The following HRH2 variants were observed in gnomAD, a reference collection of about 807,000 sequenced individuals.
HRH2 encodes the protein histamine receptor H2.
A neutral mutation model predicts 20.1 loss-of-function variants in HRH2; 4 were observed. The observed-to-expected ratio is 0.20, with a 90% CI of 0.10 to 0.45. The LOEUF is 0.45. Among genes scored for constraint, HRH2 ranks in the 20% least tolerant of loss-of-function variants. The pLI is 0.99. For synonymous variants in HRH2, 197 were observed against 200.7 expected, an observed-to-expected ratio of 0.98 and a Z score of 0.16; for missense variants, 250 against 461.6, an observed-to-expected ratio of 0.54 and a Z score of 4.20.
intron 1 of HRH2, among the ~76,000 whole-genome samples, chr5:175,676,666 G>A (rs552554074): frequency 7.1e-4 from 108 of 152,288 alleles, no homozygotes; most frequent in African/African-American, 2.5e-3. Flanking sequence ...AGTGGTCAAG[G>A]CTTATCATAT....
chr5:175,706,293 C>T (rs1021746814), intron 2 of HRH2, among the ~76,000 whole-genome samples: 11 of 152,208 alleles, frequency 7.2e-5, no homozygotes, highest in African/African-American at 2.6e-4. Flanking sequence ...TAATGCATTT[C>T]ATTTAAAAAT....
chr5:175,674,857 G>T (rs377738119), intron 1 of HRH2, among the ~76,000 whole-genome samples: 1 of 152,204 alleles, frequency 6.6e-6, no homozygotes, highest in African/African-American at 2.4e-5. Context: ...CAAATGTCCT[G>T]CCAGGAAGGA....
At chr5:175,689,533 T>A (rs1292263285) in intron 2 of HRH2, among the ~76,000 whole-genome samples, 1 of 152,160 alleles carries the variant, frequency 6.6e-6, no homozygotes, top group East Asian at 1.9e-4. Flanking sequence ...CCCTGAGAAG[T>A]GAACCCACCC....
intron 2 of HRH2, chr5:175,691,148 C>A (rs1581447939): frequency 6.6e-6 from 1 of 151,206 alleles, no homozygotes; most frequent in East Asian, 1.9e-4. Context: ...GCCTGCACTT[C>A]TGCACAGCGG....
At chr5:175,688,241 C>CT (rs2113529367) in intron 2 of HRH2, among the ~76,000 whole-genome samples, 1 of 152,354 alleles carries the variant, frequency 6.6e-6, no homozygotes, top group East Asian at 1.9e-4. Context: ...TGCAAAGTCC[C>CT]TTTTGCCGCG....
Position 175,710,596 on chromosome 5 carries a change from C to T in HRH2, c.*2625C>T, listed in dbSNP as rs1757063680. On this transcript the variant is annotated 3_prime_UTR_variant, in exon 3 of 3. Coordinates refer to ENST00000636584, the MANE Select transcript of HRH2 (RefSeq NM_001367711.1). The stretch of plus-strand genomic sequence containing the variant: ...CCACCCGCCACTGCAGAAGACGCCT[C>T]CACGTCTGTCTCTGGGCTGCCTCCA... The T allele has an allele frequency of 6.6e-6, 1 of 152,278 alleles. No individual in the cohort carries two copies. The allele number at this position is 152,278 out of a possible 1,614,324, so 9.4% of individuals were successfully genotyped here.
chr5:175,701,511 T>C (rs556348881), intron 2 of HRH2, among the ~76,000 whole-genome samples: 1 of 152,338 alleles, frequency 6.6e-6, no homozygotes, highest in East Asian at 1.9e-4. Context: ...AGCCGGAGTC[T>C]TCCCATAGAG....
intron 1 of HRH2, among the ~76,000 whole-genome samples, chr5:175,675,554 G>A (rs1755726233): frequency 6.6e-6 from 1 of 152,194 alleles, no homozygotes; most frequent in African/African-American, 2.4e-5. Context: ...CCTGTGCAAT[G>A]ATTGAGAGGA....
chr5:175,683,207 C>T lies in HRH2; in HGVS notation c.-27C>T. On this transcript the variant is annotated 5_prime_UTR_variant, in exon 2 of 3. Coordinates refer to ENST00000636584, the MANE Select transcript of HRH2 (RefSeq NM_001367711.1). The stretch of plus-strand genomic sequence containing the variant: ...AGAAGAAGCAACCAGGGGCCCTGAT[C>T]AGGGGACTGAGCCGTAGAGTCCCAG... The T allele has an allele frequency of 6.3e-7, 1 of 1,597,604 alleles. No homozygotes were observed.
At chr5:175,694,540 C>T (rs2113542425) in intron 2 of HRH2, among the ~76,000 whole-genome samples, 1 of 152,236 alleles carries the variant, frequency 6.6e-6, no homozygotes, top group South Asian at 2.1e-4. Flanking sequence ...CCCTAGGACA[C>T]CCTAGCAGGC....
rs1756215229 is a variant in HRH2 at position 175,687,562 on chromosome 5, T to A, written c.1076+3253T>A. 6.6e-6 allele frequency among the ~76,000 whole-genome samples: 1 copy of A among 152,068 alleles called. No homozygotes were observed. Among genetic ancestry groups the A allele is most frequent in the Non-Finnish European group, 1.5e-5 (1 of 68,010 alleles). On this transcript the variant is annotated intron_variant, in intron 2 of 2. Transcript: ENST00000636584. The surrounding 1 kb of genome is among the most constrained non-coding windows in gnomAD (Gnocchi z 5.2). ...TCCTGCCCAGCCTCTATGAGTGCTC[T>A]TTGCAGCACACTCAGGGCAGCTCAC... is the stretch of plus-strand genomic sequence containing the variant.
chr5:175,685,764 G>A (rs974031730), intron 2 of HRH2: 2 of 524,704 alleles, frequency 3.8e-6, no homozygotes, highest in African/African-American at 1.9e-5. Flanking sequence ...ACATGAACAT[G>A]CTCTGCCATC....
At chr5:175,665,739 A>G (rs921323354) in intron 1 of HRH2, among the ~76,000 whole-genome samples, 5 of 152,204 alleles carry the variant, frequency 3.3e-5, no homozygotes, top group African/African-American at 1.2e-4. Flanking sequence ...TGTGATGTCA[A>G]CTGAGGCCAA....
intron 1 of HRH2, among the ~76,000 whole-genome samples, chr5:175,668,449 G>T (rs1755393077): frequency 6.6e-6 from 1 of 152,126 alleles, no homozygotes. Context: ...GGCTCTAGAA[G>T]GGTCTTGATC....
At chr5:175,659,008 C>T (rs1762655656) in intron 1 of HRH2, among the ~76,000 whole-genome samples, 1 of 152,302 alleles carries the variant, frequency 6.6e-6, no homozygotes, top group African/African-American at 2.4e-5. Flanking sequence ...AGGCCCAGTC[C>T]TGGAGGCGGT....
chr5:175,701,168 C>T (rs564912576), intron 2 of HRH2, among the ~76,000 whole-genome samples: 20 of 152,236 alleles, frequency 1.3e-4, no homozygotes, highest in South Asian at 4.1e-4. Context: ...AGGCTCAGAG[C>T]GGGGCTGAGC....
In HRH2 at chr5:175,681,427, G is replaced by T. The variant is rs751766075; in HGVS notation, c.-525-1282G>T. Among the ~76,000 whole-genome samples the T allele has an allele frequency of 6.6e-6, 1 of 152,122 alleles. No individual in the cohort carries two copies. Among genetic ancestry groups the T allele is most frequent in the Non-Finnish European group, 1.5e-5 (1 of 68,014 alleles). On this transcript the variant is annotated intron_variant, in intron 1 of 2. Transcript: ENST00000636584. This position sits in a 1 kb window ranked among gnomAD's most constrained non-coding sequence, Gnocchi z 4.3. ...TAGCTTGCTTCTGAGAGGGGGTTCC[G>T]CCATCAACTCGATTTCTGCACACAC...
rs893998591 is a variant in HRH2, at chr5:175,709,263, C to G, written c.*1292C>G. ...CCTTTTGCAACTCATTGTCCTCTAC[C>G]TGCCATCAGATGTGGCTGTTCCTCA... On this transcript the variant is annotated 3_prime_UTR_variant, in exon 3 of 3. Transcript: ENST00000636584. 2 of 152,322 alleles carry G rather than the reference C, an allele frequency of 1.3e-5. No homozygotes were observed. The highest frequency in any genetic ancestry group is 4.8e-5 in the African/African-American group (2 of 41,432). 9.4% of individuals were successfully genotyped at this position (152,322 alleles called of 1,614,324 possible).
At chr5:175,701,849 G>A (rs748718073) in intron 2 of HRH2, among the ~76,000 whole-genome samples, 2 of 152,166 alleles carry the variant, frequency 1.3e-5, no homozygotes, top group African/African-American at 2.4e-5. Flanking sequence ...GGCAGATATC[G>A]CGTTATACAC....
Sources: allele counts gnomAD v4.1 joint callset (sites outside exome capture counted in the v4.1 genomes callset), GRCh38; gene constraint gnomAD v4.1.1; non-coding constraint Gnocchi (gnomAD v3.1); transcripts MANE v1.5; gene names NCBI Gene and HGNC (gene_info 2026-07-23, HGNC 2026-07-21).